MYOF: variants seen among roughly 807,000 people sequenced by gnomAD.
MYOF encodes myoferlin.
In MYOF, 244 loss-of-function variants were observed where a neutral mutation model predicts 284.2. That is an observed-to-expected ratio of 0.86 (90% CI 0.77 to 0.95). The LOEUF (loss-of-function observed/expected upper bound fraction) is 0.95. Among genes scored for constraint, MYOF ranks in the 40% least tolerant of loss-of-function variants. MYOF has a pLI of 0.00. For synonymous variants in MYOF, 904 were observed against 919.7 expected, an observed-to-expected ratio of 0.98 and a Z score of 0.31; for missense variants, 2,496 against 2,560.6, an observed-to-expected ratio of 0.97 and a Z score of 0.54.
At chr10:93,399,312 G>T in intron 13 of MYOF, 80 bp downstream of exon 13, 1 of 1,083,626 alleles carries the variant, frequency 9.2e-7, no homozygotes, top group Non-Finnish European at 1.3e-6. Flanking sequence ...CAAAGAGTAA[G>T]CAGGAATTCA....
intron 1 of MYOF, among the ~76,000 whole-genome samples, chr10:93,457,405 C>T (rs2056769336): frequency 6.6e-6 from 1 of 152,232 alleles, no homozygotes; most frequent in Non-Finnish European, 1.5e-5. Flanking sequence ...GATGCCAACA[C>T]AGCTTCAATA....
At chr10:93,307,773 C>T (rs1842187258) in intron 53 of MYOF, among the ~76,000 whole-genome samples, 1 of 151,148 alleles carries the variant, frequency 6.6e-6, no homozygotes, top group South Asian at 2.1e-4. Context: ...TACAGGCGCC[C>T]ACCAACACGC....
At chr10:93,320,894 G>A (rs1002553927) in intron 48 of MYOF, among the ~76,000 whole-genome samples, 1 of 152,130 alleles carries the variant, frequency 6.6e-6, no homozygotes, top group African/African-American at 2.4e-5. Context: ...AGAGATTCAT[G>A]GTAGGAGGCA....
intron 31 of MYOF, among the ~76,000 whole-genome samples, chr10:93,354,204 T>C (rs1279345717): frequency 6.6e-6 from 1 of 152,068 alleles, no homozygotes. Flanking sequence ...GGTGAAAACT[T>C]GTGTCTCTAC....
At position 93,325,816 on chromosome 10, in the gene MYOF, G is replaced by A; in HGVS notation, c.5271+10C>T. 4.4e-6 allele frequency: 7 copies of A among 1,607,998 alleles called. No homozygotes were observed. The highest frequency in any genetic ancestry group is 4.2e-6 in the Non-Finnish European group (5 of 1,177,688). ...GGATAATGGTCTTCAAGGGAGGGAA[G>A]GCCCTTTACCTGGGAAATGTTGGGC... On this transcript the variant is annotated intron_variant, in intron 46 of 53. Coordinates refer to ENST00000359263, the MANE Select transcript of MYOF (RefSeq NM_013451.4).
chr10:93,316,227 G>C (rs1013430230), intron 50 of MYOF, among the ~76,000 whole-genome samples: 2 of 152,046 alleles, frequency 1.3e-5, no homozygotes, highest in Admixed American at 6.5e-5. Flanking sequence ...ACAGTGCCAT[G>C]GGGGGCGAGG....
chr10:93,454,453 A>G (rs1202337673), intron 2 of MYOF, among the ~76,000 whole-genome samples: 3 of 152,148 alleles, frequency 2.0e-5, no homozygotes, highest in Non-Finnish European at 4.4e-5. Flanking sequence ...TGAAGAGATG[A>G]GTTGGGATGA....
intron 1 of MYOF, 83 bp from the exon 2 acceptor site, chr10:93,457,020 T>C: frequency 1.0e-6 from 1 of 1,001,588 alleles, no homozygotes; most frequent in South Asian, 1.5e-5. Context: ...CTAAGAACAT[T>C]ACCCAAGGGT....
rs760804748 is a variant in MYOF at position 93,343,892 on chromosome 10, G to A, written c.4290C>T (p.Ile1430=). Residue 1430 remains isoleucine (I), a synonymous_variant, in exon 38 of 54, where the codon ATC becomes ATT. Coordinates refer to ENST00000359263, the MANE Select transcript of MYOF (RefSeq NM_013451.4). ...LSAPPCRDIV[I]EMEDTKPLLA... ...GTAATGGTTTGGTGTCTTCCATTTC[G>A]ATAACGATGTCCCGGCATGGTGGGG... is the stretch of plus-strand genomic sequence containing the variant. 10 of 1,614,048 alleles carry A rather than the reference G, an allele frequency of 6.2e-6. No individual in the cohort carries two copies. The Admixed American group carries it at 6.7e-5, about 11-fold the overall frequency.
chr10:93,312,720 T>C (rs1368464681), intron 51 of MYOF, among the ~76,000 whole-genome samples: 1 of 152,096 alleles, frequency 6.6e-6, no homozygotes, highest in African/African-American at 2.4e-5. Context: ...AAGCCTAGCA[T>C]TAATTAACTT....
intron 48 of MYOF, among the ~76,000 whole-genome samples, chr10:93,320,558 T>C (rs1383850213): frequency 1.3e-5 from 2 of 152,224 alleles, no homozygotes; most frequent in Non-Finnish European, 2.9e-5. Flanking sequence ...AGATGTCAGC[T>C]CTTATTTCCA....
intron 19 of MYOF, 127 bp from the exon 20 acceptor site, chr10:93,381,523 C>T: frequency 2.1e-6 from 2 of 964,532 alleles, no homozygotes; most frequent in Non-Finnish European, 3.1e-6. Flanking sequence ...GGAGAATGTT[C>T]TTGGACCCAG....
In MYOF at chr10:93,351,452, C is replaced by T; in HGVS notation, c.3783G>A (p.Gly1261=). Residue 1261 remains glycine, a synonymous_variant, in exon 34 of 54, where the codon GGG becomes GGA. Transcript: ENST00000359263. Reference sequence around the variant, plus strand: ...TCAGCTCTGCAGTTACAAGAACATCCCCGCAGGCTTTGTCTCCATTCATTA... The same window carrying T: ...TCAGCTCTGCAGTTACAAGAACATCTCCGCAGGCTTTGTCTCCATTCATTA... ...HPVMNGDKAC[G]DVLVTAELIL... The T allele has an allele frequency of 6.2e-7, 1 of 1,614,222 alleles. No individual in the cohort carries two copies. Among genetic ancestry groups the T allele is most frequent in the African/African-American group, 1.3e-5 (1 of 75,058 alleles).
chr10:93,366,370 A>G, intron 26 of MYOF, 22 bp downstream of exon 26: 2 of 1,604,762 alleles, frequency 1.2e-6, no homozygotes, highest in Non-Finnish European at 1.7e-6. Flanking sequence ...TATCCTTTTT[A>G]CTCAGAAAAT....
Position 93,482,106 on chromosome 10 carries a change from C to T in MYOF, c.88+1G>A. The T allele has an allele frequency of 6.2e-7, 1 of 1,612,840 alleles. No individual in the cohort carries two copies. The highest frequency in any genetic ancestry group is 1.1e-5 in the South Asian group (1 of 90,962). On this transcript the variant is annotated splice_donor_variant, in intron 1 of 53. Coordinates refer to ENST00000359263, the MANE Select transcript of MYOF (RefSeq NM_013451.4). LOFTEE classifies it high-confidence loss of function. ...AGAAAAAGAAGAAAACTTTTTCTTA[C>T]CCTTAAAAATGACAGAAACAATAGG...
At chr10:93,420,939 C>T (rs1007903701) in intron 5 of MYOF, among the ~76,000 whole-genome samples, 6 of 152,074 alleles carry the variant, frequency 3.9e-5, no homozygotes, top group African/African-American at 4.8e-5. Flanking sequence ...GAAGGGAGGC[C>T]GGGTGCAGTG....
At position 93,400,321 on chromosome 10, in the gene MYOF, TTCTTCTTC is replaced by T. The variant is rs1214306818; in HGVS notation, c.1118-834_1118-827del. Among the ~76,000 whole-genome samples, 14 of 90,954 alleles carry T rather than the reference TTCTTCTTC, an allele frequency of 1.5e-4. No homozygotes were observed. The South Asian group carries it at 3.8e-3, about 25-fold the overall frequency. The allele number at this position is 90,954 out of a possible 152,430, so 59.7% of individuals were successfully genotyped here. On this transcript the variant is annotated intron_variant, in intron 12 of 53. Coordinates refer to ENST00000359263, the MANE Select transcript of MYOF (RefSeq NM_013451.4). ...TATTTTATGTATTTCTTTCTTCTTC[TTCTTCTTC>T]TTTTTTTTTTTTTTAAATAGAGACA...
chr10:93,406,395 G>T, intron 7 of MYOF, among the ~76,000 whole-genome samples: 1 of 144,340 alleles, frequency 6.9e-6, no homozygotes, highest in Non-Finnish European at 1.5e-5. Flanking sequence ...CTTCTCTTTT[G>T]CCAAGAGGTC....
At chr10:93,456,037 G>A (rs1289901304) in intron 2 of MYOF, among the ~76,000 whole-genome samples, 2 of 152,050 alleles carry the variant, frequency 1.3e-5, no homozygotes, top group Non-Finnish European at 2.9e-5. Context: ...GTGGGGGGAG[G>A]TAAATAAGTT....
Sources: allele counts gnomAD v4.1 joint callset (sites outside exome capture counted in the v4.1 genomes callset), GRCh38; gene constraint gnomAD v4.1.1; transcripts MANE v1.5; gene names NCBI Gene and HGNC (gene_info 2026-07-23, HGNC 2026-07-21).